ST3GAL4: variants seen among roughly 807,000 people sequenced by gnomAD.
ST3GAL4 encodes CMP-N-acetylneuraminate-beta-galactosamide-alpha-2,3-sialyltransferase 4.
In ST3GAL4, 24 loss-of-function variants were observed where a neutral mutation model predicts 42.6. That is an observed-to-expected ratio of 0.56 (90% CI 0.41 to 0.79). The LOEUF is 0.79. Among genes scored for constraint, ST3GAL4 ranks in the 30% least tolerant of loss-of-function variants. ST3GAL4 has a pLI of 0.00. For missense variants in ST3GAL4, 311 were observed against 430.8 expected (o/e 0.72, Z 2.46); for synonymous variants, 135 against 163.2 (o/e 0.83, Z 1.32).
chr11:126,382,081 C>A (rs1340803000), intron 1 of ST3GAL4, among the ~76,000 whole-genome samples: 1 of 152,122 alleles, frequency 6.6e-6, no homozygotes, highest in Non-Finnish European at 1.5e-5. Context: ...ACGTTCTCTC[C>A]TGAGCATCGC....
chr11:126,371,552 A>G (rs1001231397), intron 1 of ST3GAL4, among the ~76,000 whole-genome samples: 1 of 152,318 alleles, frequency 6.6e-6, no homozygotes, highest in South Asian at 2.1e-4. Flanking sequence ...TCTATTTGCA[A>G]CACTTTAAAA....
At position 126,384,561 on chromosome 11, in the gene ST3GAL4, G is replaced by A. The variant is rs1299166846; in HGVS notation, c.-60-21535G>A. On this transcript the variant is annotated intron_variant, in intron 1 of 10. Coordinates refer to ENST00000444328, the MANE Select transcript of ST3GAL4 (RefSeq NM_001254757.2). The surrounding 1 kb of genome is among the most constrained non-coding windows in gnomAD (Gnocchi z 5.5). The stretch of plus-strand genomic sequence containing the variant: ...GGACAGGAGGCTGGTGTCTGGTCAG[G>A]CTGAGGGATCCGTGTGCCAGCCCTT... 6.6e-6 allele frequency among the ~76,000 whole-genome samples: 1 copy of A among 152,144 alleles called. No homozygotes were observed. The highest frequency in any genetic ancestry group is 1.5e-5 in the Non-Finnish European group (1 of 68,012).
intron 6 of ST3GAL4, 42 bp downstream of exon 6, chr11:126,407,676 T>C: frequency 6.2e-7 from 1 of 1,603,606 alleles, no homozygotes; most frequent in Non-Finnish European, 8.5e-7. Context: ...CCTTCTCCTA[T>C]TTCCTGCCCC....
rs1953108978 is a variant in ST3GAL4, at chr11:126,383,881, G to T, written c.-60-22215G>T. 6.6e-6 allele frequency among the ~76,000 whole-genome samples: 1 copy of T among 152,084 alleles called. No individual in the cohort carries two copies. The highest frequency in any genetic ancestry group is 2.4e-5 in the African/African-American group (1 of 41,410). On this transcript the variant is annotated intron_variant, in intron 1 of 10. Coordinates refer to ENST00000444328, the MANE Select transcript of ST3GAL4 (RefSeq NM_001254757.2). This position sits in a 1 kb window ranked among gnomAD's most constrained non-coding sequence, Gnocchi z 4.5. Reference sequence around the variant, plus strand: ...GCCCACCTTTACTCTGAGGGGGTGGGCTTCCTGCGGGGGACAAACTGGAGA... The same window carrying T: ...GCCCACCTTTACTCTGAGGGGGTGGTCTTCCTGCGGGGGACAAACTGGAGA...
At chr11:126,375,123 G>C (rs1231776193) in intron 1 of ST3GAL4, 1 of 152,272 alleles carries the variant, frequency 6.6e-6, no homozygotes, top group Non-Finnish European at 1.5e-5. Context: ...ACAGCGGAGA[G>C]AGTCAGTCCA....
At chr11:126,377,461 G>A (rs1042049441) in intron 1 of ST3GAL4, among the ~76,000 whole-genome samples, 10 of 142,942 alleles carry the variant, frequency 7.0e-5, no homozygotes, top group African/African-American at 2.6e-4. Flanking sequence ...GTGAGCCACC[G>A]TGCCTGGCCA....
rs117319178 is a variant in ST3GAL4, at chr11:126,408,933, C to T, written c.628-335C>T. ...CATCCGGTCACAGGCTGAACTGTCCCATCTGGCATTTTTGTCAAGTGTTTA... is the reference window on the plus strand; with the variant it reads ...CATCCGGTCACAGGCTGAACTGTCCTATCTGGCATTTTTGTCAAGTGTTTA... On this transcript the variant is annotated intron_variant, in intron 8 of 10. Transcript: ENST00000444328. 2,390 of 420,470 alleles carry T rather than the reference C, an allele frequency of 5.7e-3. 18 individuals carry two copies. The highest frequency in any genetic ancestry group is 7.9e-3 in the Non-Finnish European group (1,831 of 232,334). 26.0% of individuals were successfully genotyped at this position (420,470 alleles called of 1,614,324 possible). A position where few individuals can be genotyped will look rare whatever the true frequency, so the allele number is the denominator to read the frequency against.
In ST3GAL4 at chr11:126,391,562, A is replaced by G. The variant is rs539224248; in HGVS notation, c.-60-14534A>G. Among the ~76,000 whole-genome samples the G allele has an allele frequency of 2.0e-5, 3 of 152,262 alleles. No individual in the cohort carries two copies. In the East Asian group the frequency reaches 5.8e-4, roughly 29 times the overall value. The stretch of plus-strand genomic sequence containing the variant: ...CCACTTCTCCTACCTAACCCCAAGA[A>G]TGAGTCCTTGAGTCTGTCTCAGTAG... On this transcript the variant is annotated intron_variant, in intron 1 of 10. Transcript: ENST00000444328. The surrounding 1 kb of genome is among the most constrained non-coding windows in gnomAD (Gnocchi z 5.5).
intron 1 of ST3GAL4, among the ~76,000 whole-genome samples, chr11:126,377,128 G>A (rs1952852108): frequency 6.6e-6 from 1 of 152,082 alleles, no homozygotes; most frequent in Non-Finnish European, 1.5e-5. Flanking sequence ...TGTTCTTTAA[G>A]GTATTTTAAG....
At chr11:126,402,118 T>G (rs1954031828) in intron 1 of ST3GAL4, among the ~76,000 whole-genome samples, 3 of 148,116 alleles carry the variant, frequency 2.0e-5, no homozygotes, top group African/African-American at 5.0e-5. Flanking sequence ...AGTCTAGACG[T>G]AGACAGCAGG....
At chr11:126,395,051 G>A (rs566755728) in intron 1 of ST3GAL4, among the ~76,000 whole-genome samples, 113 of 152,222 alleles carry the variant, frequency 7.4e-4, no homozygotes, top group African/African-American at 2.6e-3. Flanking sequence ...GTGCCCAGGC[G>A]TGCTGTGATC....
intron 1 of ST3GAL4, among the ~76,000 whole-genome samples, chr11:126,375,639 T>C (rs754480251): frequency 1.5e-4 from 22 of 151,120 alleles, no homozygotes; most frequent in African/African-American, 4.1e-4. Flanking sequence ...TCATATTTAA[T>C]ACTTGCACAG....
intron 1 of ST3GAL4, among the ~76,000 whole-genome samples, chr11:126,404,511 G>A (rs1954143076): frequency 6.6e-6 from 1 of 152,212 alleles, no homozygotes; most frequent in African/African-American, 2.4e-5. Flanking sequence ...TAACTAAGCT[G>A]ATGACAGATG....
chr11:126,413,195 T>C (rs1725933044), intron 9 of ST3GAL4, among the ~76,000 whole-genome samples: 1 of 151,878 alleles, frequency 6.6e-6, no homozygotes, highest in Non-Finnish European at 1.5e-5. Flanking sequence ...AGCCCAGGAG[T>C]CCTGGGCTCA....
At chr11:126,369,191 C>T (rs1043353117) in intron 1 of ST3GAL4, among the ~76,000 whole-genome samples, 5 of 152,080 alleles carry the variant, frequency 3.3e-5, no homozygotes, top group Admixed American at 2.0e-4. Context: ...TTTGGAGGTA[C>T]GTTGTTTGCT....
rs1953493343 is a variant in ST3GAL4, at chr11:126,391,047, T to G, written c.-60-15049T>G. On this transcript the variant is annotated intron_variant, in intron 1 of 10. Coordinates refer to ENST00000444328, the MANE Select transcript of ST3GAL4 (RefSeq NM_001254757.2). The surrounding 1 kb of genome is among the most constrained non-coding windows in gnomAD (Gnocchi z 5.5). ...TTTTTCAGGCTGAATAATATTCCATTGTATGCGTAGACCACATTTTGTGGA... is the reference window on the plus strand; with the variant it reads ...TTTTTCAGGCTGAATAATATTCCATGGTATGCGTAGACCACATTTTGTGGA... Among the ~76,000 whole-genome samples the G allele has an allele frequency of 6.6e-6, 1 of 152,222 alleles. No homozygotes were observed. The highest frequency in any genetic ancestry group is 1.5e-5 in the Non-Finnish European group (1 of 68,036).
intron 1 of ST3GAL4, among the ~76,000 whole-genome samples, chr11:126,390,720 T>C (rs1953480254): frequency 6.6e-6 from 1 of 151,928 alleles, no homozygotes. Flanking sequence ...TTTCTGTGTG[T>C]ATAGTGCAGT....
chr11:126,399,895 T>C (rs1953931960), intron 1 of ST3GAL4, among the ~76,000 whole-genome samples: 1 of 152,198 alleles, frequency 6.6e-6, no homozygotes, highest in Admixed American at 6.5e-5. Context: ...GCCTTCACGA[T>C]CGATATTTCT....
intron 1 of ST3GAL4, among the ~76,000 whole-genome samples, chr11:126,395,145 C>T (rs1390544778): frequency 6.6e-6 from 1 of 152,194 alleles, no homozygotes; most frequent in Non-Finnish European, 1.5e-5. Context: ...CCTACTGTCA[C>T]TGCCTCTTCC....
Sources: gnomAD v4.1 joint callset for allele counts (sites outside exome capture counted in the v4.1 genomes callset) on GRCh38, gnomAD v4.1.1 for gene constraint, Gnocchi (gnomAD v3.1) non-coding constraint, MANE v1.5 for transcripts, NCBI Gene and HGNC (gene_info 2026-07-23, HGNC 2026-07-21) for gene names.